CREM: variants seen among roughly 807,000 people sequenced by gnomAD.
The protein encoded by CREM is cAMP responsive element modulator.
In CREM, 13 loss-of-function variants were observed where a neutral mutation model predicts 37.3. That is an observed-to-expected ratio of 0.35 (90% CI 0.23 to 0.55). The LOEUF (loss-of-function observed/expected upper bound fraction) is 0.55, where lower values mean the gene tolerates loss of function less well. Ranked by LOEUF, CREM falls within the 20% of genes least tolerant of loss-of-function variation. The pLI is 0.88. For synonymous variants in CREM, 124 were observed against 120.2 expected, an observed-to-expected ratio of 1.03 and a Z score of -0.21; for missense variants, 296 against 362.3, an observed-to-expected ratio of 0.82 and a Z score of 1.49.
At chr10:35,161,636 C>G (rs192042029) in intron 3 of CREM, among the ~76,000 whole-genome samples, 3 of 151,600 alleles carry the variant, frequency 2.0e-5, no homozygotes, top group African/African-American at 7.3e-5. Context: ...GCACTCCAGC[C>G]TGGGCAACAG....
chr10:35,158,812 G>GTTTTT (rs1564838652), intron 3 of CREM, among the ~76,000 whole-genome samples: 1 of 65,212 alleles, frequency 1.5e-5, no homozygotes, highest in African/African-American at 4.6e-5. Flanking sequence ...TTTTTTTGTT[G>GTTTTT]TTTTGTTTGT....
intron 1 of CREM, among the ~76,000 whole-genome samples, chr10:35,128,327 GC>G (rs955908020): frequency 3.9e-5 from 6 of 152,154 alleles, no homozygotes; most frequent in Non-Finnish European, 7.3e-5. Flanking sequence ...TAACACTGTG[GC>G]TTACGTACGT....
intron 2 of CREM, among the ~76,000 whole-genome samples, chr10:35,138,697 T>A (rs897952363): frequency 9.9e-5 from 15 of 151,860 alleles, no homozygotes; most frequent in African/African-American, 1.4e-4. Flanking sequence ...CTAATTTTTT[T>A]AATTTTATAT....
rs1353483140 is a variant in CREM at position 35,211,902 on chromosome 10, T to G, written c.*504T>G. 8.6e-7 allele frequency: 1 copy of G among 1,167,040 alleles called. No homozygotes were observed. The highest frequency in any genetic ancestry group is 1.2e-6 in the Non-Finnish European group (1 of 862,056). 72.3% of individuals were successfully genotyped at this position (1,167,040 alleles called of 1,614,324 possible). A position where few individuals can be genotyped will look rare whatever the true frequency, so the allele number is the denominator to read the frequency against. ...TGGTGGCTTCTTTTCTTTGTATCAT[T>G]CATCTTCTTCTTTAATCACTTAACA... is the stretch of plus-strand genomic sequence containing the variant. On this transcript the variant is annotated 3_prime_UTR_variant, in exon 8 of 8. Coordinates refer to ENST00000685392, the MANE Select transcript of CREM (RefSeq NM_183011.2).
chr10:35,179,294 C>G lies in CREM; in HGVS notation c.409+18C>G, dbSNP rs147897653. The G allele has an allele frequency of 3.1e-6, 5 of 1,612,062 alleles. No individual in the cohort carries two copies. The South Asian group carries it at 5.5e-5, about 18-fold the overall frequency. On this transcript the variant is annotated intron_variant, in intron 5 of 7. Transcript: ENST00000685392. ...GCAATACAGTATGTATGCTGCAATTCGATATGATACAGTGCTAGCTTTAAG... is the reference window on the plus strand; with the variant it reads ...GCAATACAGTATGTATGCTGCAATTGGATATGATACAGTGCTAGCTTTAAG...
intron 1 of CREM, among the ~76,000 whole-genome samples, chr10:35,129,162 G>C (rs913920606): frequency 2.6e-5 from 4 of 152,194 alleles, no homozygotes; most frequent in African/African-American, 4.8e-5. Context: ...AATCATTTTG[G>C]TGATTGCGAA....
At chr10:35,202,239 T>C (rs1282590575) in intron 6 of CREM, among the ~76,000 whole-genome samples, 2 of 152,180 alleles carry the variant, frequency 1.3e-5, no homozygotes, top group African/African-American at 2.4e-5. Context: ...GGAATAGCAG[T>C]GTGTCATCAG....
At chr10:35,179,077 C>T in intron 4 of CREM, 57 bp from the exon 5 acceptor site, 2 of 1,541,374 alleles carry the variant, frequency 1.3e-6, no homozygotes, top group East Asian at 4.5e-5. Flanking sequence ...TATAGCTTTT[C>T]TGTTTTAAGA....
intron 5 of CREM, among the ~76,000 whole-genome samples, chr10:35,187,162 A>ATTAATATTAATATAT (rs1564922585): frequency 0.02 from 1,206 of 59,508 alleles, 39 homozygotes; most frequent in African/African-American, 0.068. Context: ...TATAATATAT[A>ATTAATATTAATATAT]TTATATATTA....
At position 35,180,543 on chromosome 10, in the gene CREM, C is replaced by T. The variant is rs190657511; in HGVS notation, c.409+1267C>T. Among the ~76,000 whole-genome samples, 14 of 152,272 alleles carry T rather than the reference C, an allele frequency of 9.2e-5. No individual in the cohort carries two copies. The East Asian group carries it at 2.3e-3, about 25-fold the overall frequency. ...CTCCTACCATGATACCTAGCAGATCCGGGGTGTAGTGTATTCACACGTTTG... is the reference window on the plus strand; with the variant it reads ...CTCCTACCATGATACCTAGCAGATCTGGGGTGTAGTGTATTCACACGTTTG... On this transcript the variant is annotated intron_variant, in intron 5 of 7. Transcript: ENST00000685392.
At chr10:35,148,780 A>C (rs963788998) in intron 3 of CREM, 1 of 275,026 alleles carries the variant, frequency 3.6e-6, no homozygotes, top group African/African-American at 2.2e-5. Flanking sequence ...CTAATTCGAA[A>C]TTGATACAGT....
intron 5 of CREM, among the ~76,000 whole-genome samples, chr10:35,180,093 G>A (rs1015444033): frequency 2.6e-5 from 4 of 152,152 alleles, no homozygotes; most frequent in Non-Finnish European, 5.9e-5. Context: ...AATTTCCCAT[G>A]TAATTATAAT....
rs540254307 is a variant in CREM at position 35,142,182 on chromosome 10, T to G, written c.44+4303T>G. Among the ~76,000 whole-genome samples the G allele has an allele frequency of 2.0e-4, 30 of 152,256 alleles. 1 individual carries two copies. The highest frequency in any genetic ancestry group is 5.2e-4 in the Admixed American group (8 of 15,300). On this transcript the variant is annotated intron_variant, in intron 2 of 7. Coordinates refer to ENST00000685392, the MANE Select transcript of CREM (RefSeq NM_183011.2). ...GGTTCAAGGGAATAGCTCGAGAGAT[T>G]TCTGATCCAGTGGATTTGTGGCTAT...
intron 3 of CREM, among the ~76,000 whole-genome samples, chr10:35,154,928 A>C (rs570066585): frequency 6.6e-6 from 1 of 152,132 alleles, no homozygotes; most frequent in Non-Finnish European, 1.5e-5. Flanking sequence ...TATTTTGATA[A>C]TTTTGTATAT....
At chr10:35,166,378 T>C (rs1352747083) in intron 3 of CREM, among the ~76,000 whole-genome samples, 5 of 151,800 alleles carry the variant, frequency 3.3e-5, no homozygotes, top group African/African-American at 1.2e-4. Flanking sequence ...CCTGACAACA[T>C]GGTGAAACTC....
chr10:35,135,159 G>GT lies in CREM; in HGVS notation c.-54-2618dup, dbSNP rs369383294. 4.3e-3 allele frequency among the ~76,000 whole-genome samples: 655 copies of GT among 152,180 alleles called. 7 individuals are homozygous for GT. The highest frequency in any genetic ancestry group is 0.015 in the African/African-American group (619 of 41,522). The stretch of plus-strand genomic sequence containing the variant: ...TGTTTTTGTAATCATACCTAATAAA[G>GT]TTTTTATCAGTGTGTTAGATGGCCT... On this transcript the variant is annotated intron_variant, in intron 1 of 7. Transcript: ENST00000685392.
At position 35,178,983 on chromosome 10, in the gene CREM, A is replaced by T. The variant is rs757430447; in HGVS notation, c.263A>T (p.Tyr88Phe). 8.1e-6 allele frequency: 13 copies of T among 1,601,188 alleles called. No individual in the cohort carries two copies. The highest frequency in any genetic ancestry group is 1.0e-5 in the Non-Finnish European group (12 of 1,175,548). The change falls in exon 4 of 8, where the codon TAT becomes TTT. Residue 88 changes from tyrosine to phenylalanine, a missense_variant. This residue lies in a region of CREM where 257 missense variants were observed against 280.2 expected (regional missense o/e 0.92). Coordinates refer to ENST00000685392, the MANE Select transcript of CREM (RefSeq NM_183011.2). Reference sequence around the variant, plus strand: ...GAAATCCTTTCACGAAGACCCTCTTATAGGTAAGTTAACCAAGTTTCCTAA... The same window carrying T: ...GAAATCCTTTCACGAAGACCCTCTTTTAGGTAAGTTAACCAAGTTTCCTAA... The part of the protein sequence containing the change: ...RREILSRRPS[Y>F]RKILNELSSD...
Position 35,197,464 on chromosome 10 carries a change from ATTTT to A in CREM, c.598+9077_598+9080del, listed in dbSNP as rs1369752928. On this transcript the variant is annotated intron_variant, in intron 6 of 7. Transcript: ENST00000685392. Reference sequence around the variant, plus strand: ...TATTTATTTATTTATTTATTTATTTATTTTATGAGACGGAGTCTCGCTCTGTCGC... The same window carrying A: ...TATTTATTTATTTATTTATTTATTTAATGAGACGGAGTCTCGCTCTGTCGC... Among the ~76,000 whole-genome samples the A allele has an allele frequency of 8.5e-4, 106 of 124,960 alleles. 1 individual carries two copies. The highest frequency in any genetic ancestry group is 2.8e-3 in the African/African-American group (93 of 32,748). 82.0% of individuals were successfully genotyped at this position (124,960 alleles called of 152,430 possible).
chr10:35,144,414 G>A (rs943436720), intron 2 of CREM, among the ~76,000 whole-genome samples: 11 of 152,146 alleles, frequency 7.2e-5, no homozygotes, highest in African/African-American at 2.2e-4. Context: ...AAAAGAGAGG[G>A]GTCAGGTGTC....
Sources: gnomAD v4.1 joint callset for allele counts (sites outside exome capture counted in the v4.1 genomes callset) on GRCh38, gnomAD v4.1.1 for gene constraint, gnomAD v4.1.1 regional missense constraint, MANE v1.5 for transcripts, NCBI Gene and HGNC (gene_info 2026-07-23, HGNC 2026-07-21) for gene names.